TP53BP2: variants seen among roughly 807,000 people sequenced by gnomAD.
The protein encoded by TP53BP2 is tumor protein p53 binding protein 2.
TP53BP2 carries 62 observed loss-of-function variants against 126.2 expected under a neutral mutation model. The observed-to-expected ratio is 0.49, with a 90% CI of 0.40 to 0.61. The LOEUF is 0.61. Among genes scored for constraint, TP53BP2 ranks in the 20% least tolerant of loss-of-function variants. The probability of loss-of-function intolerance (pLI) is 0.00; values close to 1 mark genes in which losing one functional copy is unlikely to be tolerated. For missense variants in TP53BP2, 1,215 were observed against 1,402.8 expected (o/e 0.87, Z 2.14); for synonymous variants, 485 against 502.9 (o/e 0.96, Z 0.48).
In TP53BP2 at chr1:223,789,108, T is replaced by C; in HGVS notation, c.3063A>G (p.Gly1021=). The C allele has an allele frequency of 6.2e-7, 1 of 1,614,186 alleles. No homozygotes were observed. The highest frequency in any genetic ancestry group is 8.5e-7 in the Non-Finnish European group (1 of 1,180,026). ...TGTAGGTCATGGCAAACACAGCGGC[T>C]CCTGACTCCACCAAAAACTTACACA... The part of the protein sequence containing the change: ...VQVCKFLVES[G]AAVFAMTYSD... The change falls in exon 16 of 18, where the codon GGA becomes GGG. Residue 1021 remains glycine, a synonymous_variant. Coordinates refer to ENST00000343537, the MANE Select transcript of TP53BP2 (RefSeq NM_001031685.3).
intron 1 of TP53BP2, among the ~76,000 whole-genome samples, chr1:223,843,350 TAGTAGAG>T (rs1664167782): frequency 6.6e-6 from 1 of 152,162 alleles, no homozygotes; most frequent in Admixed American, 6.5e-5. Flanking sequence ...TTTGTATTTT[TAGTAGAG>T]ACGAGGTTTC....
At chr1:223,841,523 C>T (rs1664102810) in intron 1 of TP53BP2, among the ~76,000 whole-genome samples, 1 of 152,256 alleles carries the variant, frequency 6.6e-6, no homozygotes, top group Admixed American at 6.5e-5. Flanking sequence ...TTCAAATACA[C>T]AACTTGAAAG....
chr1:223,823,121 G>C (rs1319710182), intron 1 of TP53BP2, among the ~76,000 whole-genome samples: 4 of 152,172 alleles, frequency 2.6e-5, no homozygotes, highest in African/African-American at 9.7e-5. Context: ...AGCAGAATAA[G>C]TAGGATATAC....
At position 223,795,973 on chromosome 1, in the gene TP53BP2, C is replaced by A. The variant is rs749127092; in HGVS notation, c.2566G>T (p.Glu856Ter). The change falls in exon 13 of 18, where the codon GAA becomes TAA. Residue 856 changes from glutamate to a stop codon, truncating the protein, a stop_gained. Coordinates refer to ENST00000343537, the MANE Select transcript of TP53BP2 (RefSeq NM_001031685.3). LOFTEE classifies it high-confidence loss of function. ...NSPNLQNNPE[E>*]PNPEAPHVLD... ...ACATGTGGAGCCTCTGGATTTGGTT[C>A]TTCTGGGTTATTCTGGAGATTTGGG... The A allele has an allele frequency of 1.9e-6, 3 of 1,614,034 alleles. No homozygotes were observed. Among genetic ancestry groups the A allele is most frequent in the Non-Finnish European group, 2.5e-6 (3 of 1,179,984 alleles).
At chr1:223,798,803 G>A in intron 11 of TP53BP2, 126 bp from the exon 12 acceptor site, 2 of 844,664 alleles carry the variant, frequency 2.4e-6, no homozygotes, top group Non-Finnish European at 3.6e-6. Flanking sequence ...CGGGTGCAGG[G>A]GCTCACACCT....
intron 1 of TP53BP2, among the ~76,000 whole-genome samples, chr1:223,840,739 C>G (rs1664075517): frequency 6.6e-6 from 1 of 152,186 alleles, no homozygotes; most frequent in African/African-American, 2.4e-5. Flanking sequence ...GAACACAGCT[C>G]TTCCTAGAAG....
intron 13 of TP53BP2, among the ~76,000 whole-genome samples, chr1:223,795,580 T>A (rs1662288515): frequency 6.6e-6 from 1 of 152,048 alleles, no homozygotes; most frequent in Non-Finnish European, 1.5e-5. Flanking sequence ...AATGCAGTGT[T>A]TATAGGGATA....
Position 223,845,824 on chromosome 1 carries a change from G to C in TP53BP2, c.-144C>G, listed in dbSNP as rs1440297278. On this transcript the variant is annotated 5_prime_UTR_variant, in exon 1 of 18. Transcript: ENST00000343537. ...GCAGCGGCGGCGCGCGGGTCCGAAG[G>C]GCCCTCCGCGCGGGCTGGGGCACCA... 1 of 670,968 alleles carries C rather than the reference G, an allele frequency of 1.5e-6. No individual in the cohort carries two copies. Among genetic ancestry groups the C allele is most frequent in the Admixed American group, 4.7e-5 (1 of 21,322 alleles). The allele number at this position is 670,968 out of a possible 1,614,324, so 41.6% of individuals were successfully genotyped here.
chr1:223,793,542 A>G (rs1265699967), intron 13 of TP53BP2, 102 bp from the exon 14 acceptor site: 3 of 1,197,766 alleles, frequency 2.5e-6, no homozygotes, highest in Non-Finnish European at 3.4e-6. Context: ...AGTGAGAGGC[A>G]CTTTAACAAT....
chr1:223,810,017 G>A lies in TP53BP2; in HGVS notation c.372+414C>T, dbSNP rs552597800. Among the ~76,000 whole-genome samples the A allele has an allele frequency of 1.5e-4, 23 of 152,164 alleles. No individual in the cohort carries two copies. The Middle Eastern group carries it at 0.01, about 68-fold the overall frequency. ...AATTCTGTATTTTTAGTGGAGATGG[G>A]GTTTCTCCATGTTGGTCAGACTGGT... On this transcript the variant is annotated intron_variant, in intron 4 of 17. Coordinates refer to ENST00000343537, the MANE Select transcript of TP53BP2 (RefSeq NM_001031685.3).
At chr1:223,799,636 A>T (rs1042047619) in intron 11 of TP53BP2, among the ~76,000 whole-genome samples, 2 of 152,218 alleles carry the variant, frequency 1.3e-5, no homozygotes, top group African/African-American at 4.8e-5. Flanking sequence ...ATACAAATAC[A>T]GTGTTCTTCG....
At chr1:223,808,888 A>G (rs543723473) in intron 4 of TP53BP2, among the ~76,000 whole-genome samples, 30 of 152,302 alleles carry the variant, frequency 2.0e-4, no homozygotes, top group African/African-American at 7.2e-4. Flanking sequence ...TAGTCATTAG[A>G]GAAATACAAA....
chr1:223,780,655 G>A lies in TP53BP2; in HGVS notation c.*198C>T. The A allele has an allele frequency of 5.0e-6, 3 of 599,586 alleles. No individual in the cohort carries two copies. The highest frequency in any genetic ancestry group is 8.7e-6 in the Non-Finnish European group (3 of 343,364). 37.1% of individuals were successfully genotyped at this position (599,586 alleles called of 1,614,324 possible). ...CAACACAGTATGGCCTGCTGACGTA[G>A]ATGCTTTATTTCATCACGCTAAATG... On this transcript the variant is annotated 3_prime_UTR_variant, in exon 18 of 18. Coordinates refer to ENST00000343537, the MANE Select transcript of TP53BP2 (RefSeq NM_001031685.3).
chr1:223,796,626 CATTA>C lies in TP53BP2; in HGVS notation c.1949-40_1949-37del. On this transcript the variant is annotated intron_variant, in intron 12 of 17. Coordinates refer to ENST00000343537, the MANE Select transcript of TP53BP2 (RefSeq NM_001031685.3). This position sits in a 1 kb window ranked among gnomAD's most constrained non-coding sequence, Gnocchi z 4.2. The stretch of plus-strand genomic sequence containing the variant: ...AAGGAAAAAAAAAAGCCCTCATTAG[CATTA>C]ATTAAACAAAACTGGCAAGAAACAG... The C allele has an allele frequency of 6.6e-7, 1 of 1,524,630 alleles. No homozygotes were observed. The highest frequency in any genetic ancestry group is 1.4e-5 in the African/African-American group (1 of 71,706). The allele number at this position is 1,524,630 out of a possible 1,614,324, so 94.4% of individuals were successfully genotyped here.
At chr1:223,783,015 C>G (rs575263189) in intron 17 of TP53BP2, among the ~76,000 whole-genome samples, 51 of 152,278 alleles carry the variant, frequency 3.3e-4, no homozygotes, top group African/African-American at 1.2e-3. Context: ...TCCAGGCAGT[C>G]AGGTCCCAAC....
At position 223,796,623 on chromosome 1, in the gene TP53BP2, T is replaced by A. The variant is rs1365095851; in HGVS notation, c.1949-33A>T. ...GAAAAGGAAAAAAAAAAGCCCTCAT[T>A]AGCATTAATTAAACAAAACTGGCAA... On this transcript the variant is annotated intron_variant, in intron 12 of 17. Transcript: ENST00000343537. The surrounding 1 kb of genome is among the most constrained non-coding windows in gnomAD (Gnocchi z 4.2). The A allele has an allele frequency of 1.3e-6, 2 of 1,526,676 alleles. No individual in the cohort carries two copies. The highest frequency in any genetic ancestry group is 1.7e-6 in the Non-Finnish European group (2 of 1,146,014). 94.6% of individuals were successfully genotyped at this position (1,526,676 alleles called of 1,614,324 possible).
chr1:223,803,266 T>C lies in TP53BP2; in HGVS notation c.831+5A>G. On this transcript the variant is annotated splice_donor_5th_base_variant and intron_variant, in intron 7 of 17. Coordinates refer to ENST00000343537, the MANE Select transcript of TP53BP2 (RefSeq NM_001031685.3). ...TACAGCTTTTGGCAAACAGCTACGG[T>C]CTACCTGCAGCTCCTTATAGAGGCG... is the stretch of plus-strand genomic sequence containing the variant. The C allele has an allele frequency of 6.2e-7, 1 of 1,604,754 alleles. No homozygotes were observed. Among genetic ancestry groups the C allele is most frequent in the Non-Finnish European group, 8.5e-7 (1 of 1,176,712 alleles).
At position 223,802,853 on chromosome 1, in the gene TP53BP2, G is replaced by C. The variant is rs150863245; in HGVS notation, c.874C>G (p.Gln292Glu). 19 of 1,614,032 alleles carry C rather than the reference G, an allele frequency of 1.2e-5. No homozygotes were observed. The highest frequency in any genetic ancestry group is 1.6e-5 in the Non-Finnish European group (19 of 1,180,024). ...CGCTTATTCAAACACTCCCTCTGTTGTTGTAGCTTGGCATTCTGCTCTTGA... is the reference window on the plus strand; with the variant it reads ...CGCTTATTCAAACACTCCCTCTGTTCTTGTAGCTTGGCATTCTGCTCTTGA... Reference protein sequence around the residue: ...LNQEQNAKLQQQRECLNKRNS... With the variant: ...LNQEQNAKLQEQRECLNKRNS... Residue 292 changes from glutamine (Q) to glutamate (E), a missense_variant, in exon 8 of 18, where the codon CAA (glutamine) becomes GAA (glutamate). Transcript: ENST00000343537.
At position 223,796,155 on chromosome 1, in the gene TP53BP2, T is replaced by C; in HGVS notation, c.2384A>G (p.Asn795Ser). ...TTCGGGCTCCACATGTAAATATGGA[T>C]TCTGGATTTCTACTGGGCTTTCTGA... ...ASSESPVEIQ[N>S]PYLHVEPEKE... The change falls in exon 13 of 18, where the codon AAT (asparagine) becomes AGT (serine). Residue 795 changes from asparagine to serine, a missense_variant. Physicochemically the swap from Asn to Ser is conservative, Grantham distance 46. Around this residue, in one of 4 missense-constraint regions of TP53BP2, gnomAD observed 204 missense variants for 225.7 expected, o/e 0.90. Coordinates refer to ENST00000343537, the MANE Select transcript of TP53BP2 (RefSeq NM_001031685.3). This position sits in a 1 kb window ranked among gnomAD's most constrained non-coding sequence, Gnocchi z 4.2. 6.2e-7 allele frequency: 1 copy of C among 1,614,166 alleles called. No homozygotes were observed. Among genetic ancestry groups the C allele is most frequent in the Non-Finnish European group, 8.5e-7 (1 of 1,180,022 alleles).
Sources: gnomAD v4.1 joint callset for allele counts (sites outside exome capture counted in the v4.1 genomes callset) on GRCh38, gnomAD v4.1.1 for gene constraint, gnomAD v4.1.1 regional missense constraint, Gnocchi (gnomAD v3.1) non-coding constraint, MANE v1.5 for transcripts, NCBI Gene and HGNC (gene_info 2026-07-23, HGNC 2026-07-21) for gene names.